The following IBTK variants were observed in gnomAD, a reference collection of about 807,000 sequenced individuals.
The protein encoded by IBTK is inhibitor of Bruton tyrosine kinase.
In IBTK, 83 loss-of-function variants were observed where a neutral mutation model predicts 154.9. The observed-to-expected ratio is 0.54, with a 90% CI of 0.45 to 0.64. The LOEUF (loss-of-function observed/expected upper bound fraction) is 0.64, where lower values mean the gene tolerates loss of function less well. IBTK is among the 30% of genes least tolerant of loss of function. The pLI, the probability that IBTK is intolerant of heterozygous loss-of-function variation, is 0.00. For synonymous variants in IBTK, 515 were observed against 536.1 expected, an observed-to-expected ratio of 0.96 and a Z score of 0.54; for missense variants, 1,332 against 1,584.6, an observed-to-expected ratio of 0.84 and a Z score of 2.71.
intron 16 of IBTK, among the ~76,000 whole-genome samples, chr6:82,208,228 AT>A (rs1363827689): frequency 2.6e-4 from 40 of 151,862 alleles, no homozygotes; most frequent in Non-Finnish European, 4.0e-4. Flanking sequence ...ATACATATAT[AT>A]ATCTCAAAGC....
chr6:82,221,772 T>A (rs1770109289), intron 8 of IBTK, among the ~76,000 whole-genome samples: 1 of 152,322 alleles, frequency 6.6e-6, no homozygotes, highest in East Asian at 1.9e-4. Flanking sequence ...ATCTTACATA[T>A]CACCTCAAAC....
intron 28 of IBTK, among the ~76,000 whole-genome samples, chr6:82,171,933 T>C (rs1274668142): frequency 6.6e-6 from 1 of 152,228 alleles, no homozygotes; most frequent in East Asian, 1.9e-4. Context: ...GCGTCTTTTC[T>C]GTTTCCAAGC....
At chr6:82,243,109 C>T (rs370001584) in intron 1 of IBTK, among the ~76,000 whole-genome samples, 59 of 151,624 alleles carry the variant, frequency 3.9e-4, no homozygotes, top group East Asian at 3.7e-3. Flanking sequence ...GGTGTGGTGG[C>T]GGGCGCCTGT....
intron 16 of IBTK, chr6:82,205,184 G>C (rs1769354419): frequency 3.3e-6 from 1 of 302,286 alleles, no homozygotes; most frequent in Non-Finnish European, 6.0e-6. Context: ...TAGGTAGAAA[G>C]CTGACAAAAT....
In IBTK at chr6:82,200,109, G is replaced by A. The variant is rs753426201; in HGVS notation, c.3025+32C>T. 2.3e-6 allele frequency: 3 copies of A among 1,313,282 alleles called. No individual in the cohort carries two copies. The East Asian group carries it at 6.9e-5, about 30-fold the overall frequency. 81.4% of individuals were successfully genotyped at this position (1,313,282 alleles called of 1,614,324 possible). ...ATGTGAATAGAGACATAGAAGATTA[G>A]AACTGGAAATACATGCTCACTTTCC... On this transcript the variant is annotated intron_variant, in intron 21 of 28. Coordinates refer to ENST00000306270, the MANE Select transcript of IBTK (RefSeq NM_015525.4).
intron 1 of IBTK, among the ~76,000 whole-genome samples, chr6:82,246,675 G>C (rs1232167304): frequency 6.6e-6 from 1 of 152,074 alleles, no homozygotes; most frequent in Non-Finnish European, 1.5e-5. Context: ...ATTATTTTTA[G>C]AAACCAGTTT....
In IBTK at chr6:82,240,445, G is replaced by C; in HGVS notation, c.42C>G (p.Ser14=). The C allele has an allele frequency of 6.2e-7, 1 of 1,613,904 alleles. No homozygotes were observed. The highest frequency in any genetic ancestry group is 8.5e-7 in the Non-Finnish European group (1 of 1,179,996). Residue 14 remains serine, a synonymous_variant, in exon 2 of 29, where the codon TCC becomes TCG. Transcript: ENST00000306270. ...PMPDCTSKCR[S]LKHALDVLSV... is the part of the protein sequence containing the mutation. ...AAAGGACATCCAAAGCATGCTTCAG[G>C]GATCGACACTTTGATGTGCAGTCAG...
intron 25 of IBTK, among the ~76,000 whole-genome samples, chr6:82,189,777 C>T (rs1768694093): frequency 6.6e-6 from 1 of 152,220 alleles, no homozygotes; most frequent in Admixed American, 6.5e-5. Context: ...GGCATGCTTA[C>T]AGCTATATTA....
chr6:82,196,588 A>G (rs1768997624), intron 21 of IBTK, 142 bp from the exon 22 acceptor site: 1 of 458,820 alleles, frequency 2.2e-6, no homozygotes, highest in Non-Finnish European at 3.7e-6. Flanking sequence ...AAAAATCTTA[A>G]TAATTCAAGT....
chr6:82,189,736 G>A (rs1271991619), intron 25 of IBTK, among the ~76,000 whole-genome samples: 4 of 152,280 alleles, frequency 2.6e-5, no homozygotes, highest in South Asian at 2.1e-4. Flanking sequence ...ACTTTCACTC[G>A]TTCACTTTTT....
Position 82,200,670 on chromosome 6 carries a change from T to C in IBTK, c.2829A>G (p.Gln943=), listed in dbSNP as rs1027276609. The C allele has an allele frequency of 1.3e-6, 2 of 1,598,850 alleles. No individual in the cohort carries two copies. The highest frequency in any genetic ancestry group is 2.7e-5 in the African/African-American group (2 of 73,704). The change falls in exon 20 of 29, where the codon CAA becomes CAG. Residue 943 remains glutamine (Q), a synonymous_variant. Transcript: ENST00000306270. The part of the protein sequence containing the change: ...AMDRRVITPY[Q]DGPDISYLEV... The stretch of plus-strand genomic sequence containing the variant: ...CCAAATAGCTAATATCTGGTCCATC[T>C]TGATATGGTGTAATGACTCTTCTAT...
chr6:82,202,034 C>T, intron 18 of IBTK, among the ~76,000 whole-genome samples: 1 of 152,036 alleles, frequency 6.6e-6, no homozygotes, highest in African/African-American at 2.4e-5. Flanking sequence ...CCTCAAGCAA[C>T]TATTATAAAT....
chr6:82,199,777 T>C (rs1294984628), intron 21 of IBTK, among the ~76,000 whole-genome samples: 1 of 152,152 alleles, frequency 6.6e-6, no homozygotes, highest in Non-Finnish European at 1.5e-5. Flanking sequence ...TCTGACCCTA[T>C]CCAACCTATC....
chr6:82,232,230 C>A (rs1191714899), intron 3 of IBTK, among the ~76,000 whole-genome samples: 1 of 151,814 alleles, frequency 6.6e-6, no homozygotes, highest in African/African-American at 2.4e-5. Flanking sequence ...AGTTTAACTG[C>A]CAAATGAGTA....
At chr6:82,189,263 T>C (rs1427727192) in intron 25 of IBTK, among the ~76,000 whole-genome samples, 2 of 151,430 alleles carry the variant, frequency 1.3e-5, no homozygotes, top group Non-Finnish European at 2.9e-5. Flanking sequence ...TTCAGAACAT[T>C]AGAGATAAAG....
At chr6:82,217,242 T>C (rs1769905693) in intron 10 of IBTK, among the ~76,000 whole-genome samples, 2 of 152,150 alleles carry the variant, frequency 1.3e-5, no homozygotes, top group Non-Finnish European at 2.9e-5. Flanking sequence ...AAGACACACT[T>C]CTAAAGACTT....
At chr6:82,174,835 G>A (rs914725521) in intron 26 of IBTK, 5 of 381,836 alleles carry the variant, frequency 1.3e-5, no homozygotes, top group African/African-American at 1.1e-4. Flanking sequence ...GTAGCAGAGA[G>A]ATAACAAAAA....
intron 1 of IBTK, among the ~76,000 whole-genome samples, chr6:82,244,435 C>A (rs1771068055): frequency 6.6e-6 from 1 of 152,128 alleles, no homozygotes; most frequent in African/African-American, 2.4e-5. Flanking sequence ...AAAAGAGATC[C>A]AGGAAGGGCA....
chr6:82,189,357 A>T (rs1768674734), intron 25 of IBTK, among the ~76,000 whole-genome samples: 1 of 152,180 alleles, frequency 6.6e-6, no homozygotes, highest in Admixed American at 6.5e-5. Flanking sequence ...ATTAAATGGC[A>T]TTGAATAAAT....
Sources: allele counts gnomAD v4.1 joint callset (sites outside exome capture counted in the v4.1 genomes callset), GRCh38; gene constraint gnomAD v4.1.1; transcripts MANE v1.5; gene names NCBI Gene and HGNC (gene_info 2026-07-23, HGNC 2026-07-21).